Variants in MYO5A observed in about 807,000 individuals in gnomAD.
The protein encoded by MYO5A is myosin VA.
A neutral mutation model predicts 249.7 loss-of-function variants in MYO5A; 98 were observed. The ratio of observed to expected loss-of-function variants is 0.39; its 90% CI spans 0.33 to 0.46. The LOEUF (loss-of-function observed/expected upper bound fraction) is 0.46. Among genes scored for constraint, MYO5A ranks in the 20% least tolerant of loss-of-function variants. The pLI is 0.98. For missense variants in MYO5A, 1,696 were observed against 2,308.8 expected (o/e 0.73, Z 5.44); for synonymous variants, 778 against 810.6 (o/e 0.96, Z 0.68).
chr15:52,484,129 G>C (rs1387595474), intron 1 of MYO5A, among the ~76,000 whole-genome samples: 1 of 152,196 alleles, frequency 6.6e-6, no homozygotes, highest in Non-Finnish European at 1.5e-5. Context: ...TGTTAAGAAA[G>C]ATTAAAGTGA....
intron 28 of MYO5A, among the ~76,000 whole-genome samples, chr15:52,349,891 T>C (rs1224008768): frequency 6.6e-6 from 1 of 151,938 alleles, no homozygotes; most frequent in Non-Finnish European, 1.5e-5. Flanking sequence ...ATGGGGGTTC[T>C]TCTCATTTCT....
intron 15 of MYO5A, among the ~76,000 whole-genome samples, chr15:52,383,932 G>A (rs1046629545): frequency 6.6e-6 from 1 of 152,234 alleles, no homozygotes; most frequent in Admixed American, 6.5e-5. Context: ...CGATATGCAC[G>A]AGAGAATTAA....
At position 52,528,839 on chromosome 15, in the gene MYO5A, T is replaced by C. The variant is rs1443359472; in HGVS notation, c.-33A>G. On this transcript the variant is annotated 5_prime_UTR_variant, in exon 1 of 42. Transcript: ENST00000399233. ...CCCGCGCGCCTACGCCCCCCGCCTG[T>C]GCGGAGGCCGCACCTCGCCTGGGCG... is the stretch of plus-strand genomic sequence containing the variant. The C allele has an allele frequency of 4.8e-6, 7 of 1,464,400 alleles. No individual in the cohort carries two copies. The highest frequency in any genetic ancestry group is 5.4e-6 in the Non-Finnish European group (6 of 1,112,400). 90.7% of individuals were successfully genotyped at this position (1,464,400 alleles called of 1,614,324 possible).
At chr15:52,339,628 C>G (rs767145008) in intron 32 of MYO5A, among the ~76,000 whole-genome samples, 1 of 152,090 alleles carries the variant, frequency 6.6e-6, no homozygotes, top group African/African-American at 2.4e-5. Flanking sequence ...ACTTGTTATA[C>G]AAGTTCTGTT....
chr15:52,523,589 T>C (rs1300171955), intron 1 of MYO5A, among the ~76,000 whole-genome samples: 1 of 152,134 alleles, frequency 6.6e-6, no homozygotes. Context: ...GACAGAAACA[T>C]GTTTGGGACA....
intron 1 of MYO5A, 90 bp downstream of exon 1, chr15:52,528,690 G>T (rs1330315970): frequency 2.9e-5 from 41 of 1,405,608 alleles, no homozygotes; most frequent in Non-Finnish European, 3.7e-5. Context: ...GCTCGCCTGG[G>T]CCCGGCGCTC....
chr15:52,308,384 T>G lies in MYO5A; in HGVS notation c.*5312A>C, dbSNP rs2037681872. 6.6e-6 allele frequency: 1 copy of G among 152,248 alleles called. No individual in the cohort carries two copies. Among genetic ancestry groups the G allele is most frequent in the Non-Finnish European group, 1.5e-5 (1 of 68,042 alleles). The allele number at this position is 152,248 out of a possible 1,614,324, so 9.4% of individuals were successfully genotyped here. On this transcript the variant is annotated 3_prime_UTR_variant, in exon 42 of 42. Coordinates refer to ENST00000399233, the MANE Select transcript of MYO5A (RefSeq NM_001382347.1). ...TTATAGCACGCTTTCCTGTTTTTAC[T>G]CAACCTTTTATAGTACAGGGTTCTT... is the stretch of plus-strand genomic sequence containing the variant.
chr15:52,364,842 A>T, intron 23 of MYO5A, 140 bp from the exon 24 acceptor site: 6 of 905,246 alleles, frequency 6.6e-6, no homozygotes, highest in Non-Finnish European at 1.0e-5. Context: ...TGTCTTAGTA[A>T]AATTTAGGAA....
chr15:52,477,326 G>A (rs549998442), intron 1 of MYO5A, among the ~76,000 whole-genome samples: 221 of 152,242 alleles, frequency 1.5e-3, no homozygotes, highest in African/African-American at 5.1e-3. Flanking sequence ...GCTTCTTTGC[G>A]ATGGGTTTGA....
intron 27 of MYO5A, among the ~76,000 whole-genome samples, chr15:52,352,187 T>C (rs914819157): frequency 3.9e-5 from 6 of 152,196 alleles, no homozygotes; most frequent in Admixed American, 3.3e-4. Flanking sequence ...ATAGTTCATG[T>C]CTTACCAGCC....
rs373017662 is a variant in MYO5A at position 52,346,420 on chromosome 15, T to C, written c.3900A>G (p.Gln1300=). ...CTATTTCACCTTTATCTTTCATTTT[T>C]TGTACATCTTCCAAAAGTATTGTGG... ...TDSTILLEDV[Q]KMKDKGEIAQ... is the part of the protein sequence containing the mutation. Residue 1300 remains glutamine (Q), a synonymous_variant, in exon 30 of 42, where the codon CAA becomes CAG. Coordinates refer to ENST00000399233, the MANE Select transcript of MYO5A (RefSeq NM_001382347.1). 5.0e-5 allele frequency: 81 copies of C among 1,607,876 alleles called. No homozygotes were observed. The highest frequency in any genetic ancestry group is 6.6e-5 in the Non-Finnish European group (78 of 1,174,736).
intron 1 of MYO5A, among the ~76,000 whole-genome samples, chr15:52,520,509 T>C (rs934993092): frequency 6.6e-5 from 10 of 152,164 alleles, no homozygotes; most frequent in Admixed American, 6.5e-5. Flanking sequence ...ATGAAACCAA[T>C]GTCAGACAGC....
rs374599140 is a variant in MYO5A at position 52,321,483 on chromosome 15, G to T, written c.4827C>A (p.Arg1609=). 10 of 1,614,066 alleles carry T rather than the reference G, an allele frequency of 6.2e-6. No individual in the cohort carries two copies. The highest frequency in any genetic ancestry group is 8.5e-6 in the Non-Finnish European group (10 of 1,180,030). The change falls in exon 38 of 42, where the codon CGC becomes CGA. Residue 1609 remains arginine, a synonymous_variant. Transcript: ENST00000399233. ...EEGFMKHNTS[R]QNEHCLTNFD... ...AATTGGTGAGGCAGTGTTCATTCTGGCGAGATGTGTTGTGCTTCATAAAGC... is the reference window on the plus strand; with the variant it reads ...AATTGGTGAGGCAGTGTTCATTCTGTCGAGATGTGTTGTGCTTCATAAAGC...
chr15:52,489,775 G>A (rs1198195874), intron 1 of MYO5A, among the ~76,000 whole-genome samples: 2 of 152,216 alleles, frequency 1.3e-5, no homozygotes, highest in Non-Finnish European at 2.9e-5. Context: ...AGGACTGCTT[G>A]AGCCCAGGAG....
Position 52,460,924 on chromosome 15 carries a change from C to T in MYO5A, c.28-27639G>A, listed in dbSNP as rs149465099. On this transcript the variant is annotated intron_variant, in intron 1 of 41. Coordinates refer to ENST00000399233, the MANE Select transcript of MYO5A (RefSeq NM_001382347.1). ...ATACATGTGGTCAAAGGAAAGTGCT[C>T]ACAATATATTTTTAAGTGAAAACAA... 9.1e-4 allele frequency among the ~76,000 whole-genome samples: 139 copies of T among 152,182 alleles called. 1 individual carries two copies. The highest frequency in any genetic ancestry group is 3.2e-3 in the African/African-American group (131 of 41,526).
At chr15:52,477,218 C>A (rs1167675364) in intron 1 of MYO5A, among the ~76,000 whole-genome samples, 1 of 152,170 alleles carries the variant, frequency 6.6e-6, no homozygotes, top group Non-Finnish European at 1.5e-5. Context: ...TCACGTAGTT[C>A]TTGTGCCATG....
intron 1 of MYO5A, among the ~76,000 whole-genome samples, chr15:52,482,614 G>A (rs939781668): frequency 4.0e-5 from 6 of 151,854 alleles, no homozygotes; most frequent in Non-Finnish European, 5.9e-5. Context: ...TATTCCATTT[G>A]ATATCCCTAA....
intron 22 of MYO5A, among the ~76,000 whole-genome samples, chr15:52,367,870 A>AACAC (rs3985806): frequency 0.073 from 10,414 of 141,752 alleles, 418 homozygotes; most frequent in Middle Eastern, 0.11. Context: ...TATATTTTAA[A>AACAC]ACACACACAC....
At position 52,370,089 on chromosome 15, in the gene MYO5A, T is replaced by A. The variant is rs993947588; in HGVS notation, c.3066+80A>T. ...ACTGCATTTCTAATAAAACCAACAG[T>A]GAGTCACACGGACCAAGTCATGATG... On this transcript the variant is annotated intron_variant, in intron 22 of 41. Coordinates refer to ENST00000399233, the MANE Select transcript of MYO5A (RefSeq NM_001382347.1). 3 of 1,565,300 alleles carry A rather than the reference T, an allele frequency of 1.9e-6. No homozygotes were observed. The African/African-American group carries it at 4.1e-5, about 21-fold the overall frequency.
Sources: gnomAD v4.1 joint callset for allele counts (sites outside exome capture counted in the v4.1 genomes callset) on GRCh38, gnomAD v4.1.1 for gene constraint, MANE v1.5 for transcripts, NCBI Gene and HGNC (gene_info 2026-07-23, HGNC 2026-07-21) for gene names.